ITGB6: variants seen among roughly 807,000 people sequenced by gnomAD.
ITGB6 encodes integrin beta-6.
A neutral mutation model predicts 84.5 loss-of-function variants in ITGB6; 80 were observed. That is an observed-to-expected ratio of 0.95 (90% CI 0.79 to 1.14). The LOEUF is 1.14. ITGB6 is among the 50% of genes most tolerant of loss of function. ITGB6 has a pLI of 0.00. For missense variants in ITGB6, 1,006 were observed against 968.0 expected (o/e 1.04, Z -0.52); for synonymous variants, 383 against 354.9 (o/e 1.08, Z -0.89).
intron 8 of ITGB6, among the ~76,000 whole-genome samples, chr2:160,141,270 G>A (rs985503725): frequency 1.4e-5 from 2 of 142,208 alleles, no homozygotes; most frequent in Non-Finnish European, 3.0e-5. Flanking sequence ...CAAAAAAAAA[G>A]GGGGGGTGAT....
In ITGB6 at chr2:160,196,221, C is replaced by A. The variant is rs1686327072; in HGVS notation, c.341G>T (p.Arg114Ile). The A allele has an allele frequency of 6.2e-7, 1 of 1,613,798 alleles. No individual in the cohort carries two copies. The highest frequency in any genetic ancestry group is 1.1e-5 in the South Asian group (1 of 91,058). The part of the protein sequence containing the change: ...IAPQSLILKL[R>I]PGGAQTLQVH... ...TGAGCCAAATCCTAACATACCTGGTCTCAACTTAAGGATCAAGCTTTGAGG... is the reference window on the plus strand; with the variant it reads ...TGAGCCAAATCCTAACATACCTGGTATCAACTTAAGGATCAAGCTTTGAGG... The change falls in exon 3 of 15, where the codon AGA becomes ATA. Residue 114 changes from arginine (R) to isoleucine (I), a missense_variant. Transcript: ENST00000283249.
chr2:160,149,915 TA>T (rs1179515438), intron 7 of ITGB6, among the ~76,000 whole-genome samples: 1 of 150,950 alleles, frequency 6.6e-6, no homozygotes, highest in African/African-American at 2.4e-5. Flanking sequence ...GAAAAAAGAG[TA>T]AAAAGAAACC....
intron 7 of ITGB6, among the ~76,000 whole-genome samples, chr2:160,161,586 C>T (rs941263731): frequency 1.3e-5 from 2 of 152,108 alleles, no homozygotes; most frequent in African/African-American, 2.4e-5. Context: ...CCACCATGCC[C>T]GGCCAGAAAA....
chr2:160,169,424 T>C, intron 6 of ITGB6, 117 bp from the exon 7 acceptor site: 2 of 594,164 alleles, frequency 3.4e-6, no homozygotes, highest in Non-Finnish European at 6.0e-6. Context: ...ACAGGCATTA[T>C]AGCTCTATCA....
chr2:160,162,485 T>C (rs1015087457), intron 7 of ITGB6, among the ~76,000 whole-genome samples: 9 of 152,174 alleles, frequency 5.9e-5, no homozygotes, highest in African/African-American at 1.9e-4. Context: ...ACAGGGGAAC[T>C]AGACCAGAGT....
rs552991578 is a variant in ITGB6 at position 160,106,729 on chromosome 2, C to G, written c.2268+950G>C. Reference sequence around the variant, plus strand: ...ATTAATTTAGAATAACCGCATACAACAGAAACATCCCTTATCAAGATAAAT... The same window carrying G: ...ATTAATTTAGAATAACCGCATACAAGAGAAACATCCCTTATCAAGATAAAT... On this transcript the variant is annotated intron_variant, in intron 14 of 14. Transcript: ENST00000283249. 1.1e-4 allele frequency among the ~76,000 whole-genome samples: 16 copies of G among 152,292 alleles called. No homozygotes were observed. In the East Asian group the frequency reaches 2.7e-3, roughly 26 times the overall value.
intron 13 of ITGB6, among the ~76,000 whole-genome samples, chr2:160,109,612 A>G (rs1193532840): frequency 1.3e-5 from 2 of 152,266 alleles, no homozygotes; most frequent in Non-Finnish European, 2.9e-5. Context: ...GTGCCAGAGC[A>G]GGTCTTACAC....
intron 4 of ITGB6, among the ~76,000 whole-genome samples, chr2:160,178,043 T>C (rs975068358): frequency 1.1e-4 from 17 of 151,910 alleles, no homozygotes; most frequent in Non-Finnish European, 2.2e-4. Flanking sequence ...CCCAGCTAAG[T>C]TTTGTATTTT....
intron 8 of ITGB6, 128 bp from the exon 9 acceptor site, chr2:160,138,327 G>A (rs1446273860): frequency 4.0e-5 from 33 of 818,772 alleles, no homozygotes; most frequent in Non-Finnish European, 5.9e-5. Flanking sequence ...AAGAAATTCA[G>A]TATATCATCA....
At position 160,134,898 on chromosome 2, in the gene ITGB6, C is replaced by T. The variant is rs532143337; in HGVS notation, c.1660+2536G>A. Among the ~76,000 whole-genome samples, 704 of 152,176 alleles carry T rather than the reference C, an allele frequency of 4.6e-3. 3 individuals are homozygous for T. Among genetic ancestry groups the T allele is most frequent in the African/African-American group, 0.016 (651 of 41,500 alleles). ...CTCAATAAATTAGGTATTGATGGGA[C>T]GTATCTCAAAATAATAAGAGCTATT... On this transcript the variant is annotated intron_variant, in intron 10 of 14. Transcript: ENST00000283249.
At chr2:160,173,901 T>A in intron 5 of ITGB6, 73 bp downstream of exon 5, 3 of 1,321,888 alleles carry the variant, frequency 2.3e-6, no homozygotes, top group Non-Finnish European at 3.1e-6. Context: ...TTAGCTAATC[T>A]TTTTGAAGTA....
intron 4 of ITGB6, among the ~76,000 whole-genome samples, chr2:160,187,335 T>C (rs1002880310): frequency 5.3e-5 from 8 of 152,180 alleles, no homozygotes; most frequent in Non-Finnish European, 1.0e-4. Context: ...AAGAGATCAA[T>C]GGCTTTTCAT....
At chr2:160,114,923 T>A (rs532820123) in intron 12 of ITGB6, among the ~76,000 whole-genome samples, 3 of 152,262 alleles carry the variant, frequency 2.0e-5, no homozygotes, top group Non-Finnish European at 2.9e-5. Flanking sequence ...CCTTGTACAC[T>A]GCTAGGCGGC....
At chr2:160,182,276 A>G (rs1342530864) in intron 4 of ITGB6, among the ~76,000 whole-genome samples, 4 of 152,226 alleles carry the variant, frequency 2.6e-5, no homozygotes, top group Non-Finnish European at 4.4e-5. Flanking sequence ...TAACCAGAAC[A>G]ACCAGTCTAG....
intron 4 of ITGB6, among the ~76,000 whole-genome samples, chr2:160,192,159 C>T (rs1686166284): frequency 6.6e-6 from 1 of 152,122 alleles, no homozygotes. Flanking sequence ...TGCAAAGGAT[C>T]TAGGATAAAC....
At position 160,172,733 on chromosome 2, in the gene ITGB6, A is replaced by G; in HGVS notation, c.760-3T>C. The G allele has an allele frequency of 1.9e-6, 3 of 1,590,918 alleles. No individual in the cohort carries two copies. In the African/African-American group the frequency reaches 4.0e-5, roughly 21 times the overall value. On this transcript the variant is annotated splice_polypyrimidine_tract_variant and splice_region_variant and intron_variant, in intron 5 of 14. Transcript: ENST00000283249. ...TCATTCCGCCAGCCAATTTTTTCCT[A>G]CAGTGAGAAAGAAACATTTGTGTGA...
intron 7 of ITGB6, among the ~76,000 whole-genome samples, chr2:160,155,584 C>A (rs1464418054): frequency 6.6e-6 from 1 of 152,066 alleles, no homozygotes; most frequent in African/African-American, 2.4e-5. Context: ...TCTCTCTATA[C>A]CCTCTACTCA....
chr2:160,171,000 T>A (rs1315219677), intron 6 of ITGB6, among the ~76,000 whole-genome samples: 1 of 152,144 alleles, frequency 6.6e-6, no homozygotes, highest in Non-Finnish European at 1.5e-5. Flanking sequence ...TATTGTAATA[T>A]GAAAAGGCAG....
chr2:160,128,248 A>C (rs73010554), intron 10 of ITGB6, among the ~76,000 whole-genome samples: 7,056 of 149,984 alleles, frequency 0.047, 484 homozygotes, highest in African/African-American at 0.16. Context: ...GCTTGAGCTA[A>C]ATTTGAAAGA....
Sources: gnomAD v4.1 joint callset for allele counts (sites outside exome capture counted in the v4.1 genomes callset) on GRCh38, gnomAD v4.1.1 for gene constraint, MANE v1.5 for transcripts, NCBI Gene and HGNC (gene_info 2026-07-23, HGNC 2026-07-21) for gene names.